The following KLF8 variants were observed in gnomAD, a reference collection of about 807,000 sequenced individuals.
The protein encoded by KLF8 is KLF transcription factor 8.
In KLF8, 10 loss-of-function variants were observed where a neutral mutation model predicts 18.2. That is an observed-to-expected ratio of 0.55 (90% CI 0.34 to 0.93). The LOEUF (loss-of-function observed/expected upper bound fraction) is 0.93, where lower values mean the gene tolerates loss of function less well. Ranked by LOEUF, KLF8 falls within the 40% of genes least tolerant of loss-of-function variation. The pLI, the probability that KLF8 is intolerant of heterozygous loss-of-function variation, is 0.02. For synonymous variants in KLF8, 109 were observed against 97.3 expected (o/e 1.12, Z -0.71); for missense variants, 264 against 277.9 (o/e 0.95, Z 0.36).
intron 3 of KLF8, chrX:56,268,529 G>A (rs769550436): frequency 2.1e-5 from 3 of 142,657 alleles, no homozygotes; most frequent in African/African-American, 9.6e-5. Context: ...ACTACTTTTT[G>A]TTTGTTTTCT....
the KLF8 span, among the ~76,000 whole-genome samples, chrX:56,048,960 G>C: frequency 9.0e-6 from 1 of 111,618 alleles, no homozygotes; most frequent in Non-Finnish European, 1.9e-5. Flanking sequence ...GTGGCTTGTA[G>C]TTCTCCTTGA....
the KLF8 span, among the ~76,000 whole-genome samples, chrX:56,127,621 A>AG: frequency 1.8e-5 from 2 of 111,701 alleles, no homozygotes; most frequent in Non-Finnish European, 3.8e-5. Context: ...AGCTGTGATC[A>AG]GGCCCTTACC....
chrX:56,031,865 C>T, the KLF8 span, among the ~76,000 whole-genome samples: 6 of 111,308 alleles, frequency 5.4e-5, no homozygotes, highest in East Asian at 8.4e-4. Context: ...GGGCTCACAA[C>T]GTTAAAGATT....
the KLF8 span, among the ~76,000 whole-genome samples, chrX:55,957,243 G>A: frequency 9.0e-6 from 1 of 111,000 alleles, no homozygotes; most frequent in African/African-American, 3.3e-5. Context: ...GTGTTACATT[G>A]GTATATTTTT....
chrX:56,273,675 G>A (rs773619104), intron 5 of KLF8, among the ~76,000 whole-genome samples: 2 of 111,720 alleles, frequency 1.8e-5, no homozygotes, highest in African/African-American at 6.5e-5. Context: ...CATTCTCCAT[G>A]TGTGACCTTT....
At chrX:55,961,029 GGTT>G in the KLF8 span, among the ~76,000 whole-genome samples, 1 of 110,857 alleles carries the variant, frequency 9.0e-6, no homozygotes, top group Admixed American at 9.5e-5. Flanking sequence ...AGAGAGTAGG[GGTT>G]GTTATTCTTA....
chrX:56,249,010 G>GA (rs897196819), intron 1 of KLF8, among the ~76,000 whole-genome samples: 1 of 111,916 alleles, frequency 8.9e-6, no homozygotes, highest in African/African-American at 3.2e-5. Context: ...ATACATTAGT[G>GA]AAAAAAACAA....
chrX:56,090,635 T>G, the KLF8 span, among the ~76,000 whole-genome samples: 4 of 111,801 alleles, frequency 3.6e-5, no homozygotes, highest in African/African-American at 1.3e-4. Flanking sequence ...TTTCTATTCA[T>G]GTTTTTGGCT....
chrX:56,213,284 C>CTTTTG, the KLF8 span, among the ~76,000 whole-genome samples: 87 of 33,048 alleles, frequency 2.6e-3, no homozygotes, highest in Non-Finnish European at 3.3e-3. Context: ...CTTTTGTTTT[C>CTTTTG]TTTTCTTTTC....
chrX:56,205,602 G>T, the KLF8 span, among the ~76,000 whole-genome samples: 1 of 112,229 alleles, frequency 8.9e-6, no homozygotes, highest in African/African-American at 3.2e-5. Flanking sequence ...ATTCATTAGA[G>T]ATATTGGCCT....
At chrX:56,058,235 CACATATATAT>C in the KLF8 span, among the ~76,000 whole-genome samples, 1 of 34,210 alleles carries the variant, frequency 2.9e-5, no homozygotes, top group African/African-American at 5.7e-5. Flanking sequence ...TATATATACA[CACATATATAT>C]ACGTATATAT....
At chrX:56,040,350 T>C in the KLF8 span, among the ~76,000 whole-genome samples, 1 of 112,078 alleles carries the variant, frequency 8.9e-6, no homozygotes, top group African/African-American at 3.2e-5. Context: ...AGTATGATAT[T>C]GACTGTGGGT....
chrX:56,208,077 GA>G, the KLF8 span, among the ~76,000 whole-genome samples: 1 of 110,861 alleles, frequency 9.0e-6, no homozygotes, highest in Non-Finnish European at 1.9e-5. Context: ...CAGTATGGGG[GA>G]AACTGGCCCC....
At chrX:56,186,346 C>T in the KLF8 span, among the ~76,000 whole-genome samples, 1 of 111,927 alleles carries the variant, frequency 8.9e-6, no homozygotes, top group Non-Finnish European at 1.9e-5. Flanking sequence ...TATATATGCA[C>T]TCAATACAGG....
the KLF8 span, among the ~76,000 whole-genome samples, chrX:56,206,960 C>A: frequency 8.9e-6 from 1 of 112,635 alleles, no homozygotes; most frequent in Non-Finnish European, 1.9e-5. Context: ...GATTTCTGTG[C>A]ACCCACCGGC....
At chrX:55,971,873 C>A in the KLF8 span, among the ~76,000 whole-genome samples, 1 of 111,249 alleles carries the variant, frequency 9.0e-6, no homozygotes, top group Non-Finnish European at 1.9e-5. Flanking sequence ...CATCTCACTT[C>A]CATTAAAATA....
the KLF8 span, among the ~76,000 whole-genome samples, chrX:55,930,192 ATTG>A: frequency 9.0e-6 from 1 of 111,213 alleles, no homozygotes; most frequent in Non-Finnish European, 1.9e-5. Flanking sequence ...TTTGTCTGTT[ATTG>A]TTGTATAGGA....
the KLF8 span, among the ~76,000 whole-genome samples, chrX:56,041,679 GTTGT>G: frequency 1.0e-4 from 11 of 108,491 alleles, no homozygotes; most frequent in East Asian, 2.3e-3. Flanking sequence ...TGTTGTTGTT[GTTGT>G]TGTTGTTGTT....
the KLF8 span, among the ~76,000 whole-genome samples, chrX:56,036,821 T>C: frequency 8.9e-6 from 1 of 111,943 alleles, no homozygotes. Context: ...ATGAGATGTC[T>C]TTCCATTTTT....
Sources: allele counts gnomAD v4.1 joint callset (sites outside exome capture counted in the v4.1 genomes callset), GRCh38; gene constraint gnomAD v4.1.1; transcripts MANE v1.5; gene names NCBI Gene and HGNC (gene_info 2026-07-23, HGNC 2026-07-21).